TBC1D32: variants seen among roughly 807,000 people sequenced by gnomAD.
The protein encoded by TBC1D32 is protein broad-minded.
Under a neutral mutation model 170.3 loss-of-function variants are expected in TBC1D32, and 151 were observed. The observed-to-expected ratio is 0.89, with a 90% CI of 0.78 to 1.01. TBC1D32 has a LOEUF of 1.01. Among genes scored for constraint, TBC1D32 ranks in the 50% least tolerant of loss-of-function variants. The pLI, the probability that TBC1D32 is intolerant of heterozygous loss-of-function variation, is 0.00. For synonymous variants in TBC1D32, 498 were observed against 488.0 expected, an observed-to-expected ratio of 1.02 and a Z score of -0.27; for missense variants, 1,464 against 1,457.1, an observed-to-expected ratio of 1.00 and a Z score of -0.08.
At chr6:121,210,227 C>CA (rs964054829) in intron 21 of TBC1D32, among the ~76,000 whole-genome samples, 2 of 151,716 alleles carry the variant, frequency 1.3e-5, no homozygotes, top group African/African-American at 4.8e-5. Context: ...GAAAAACAGG[C>CA]AAAAATGAAT....
At chr6:121,321,549 G>A in intron 2 of TBC1D32, 84 bp downstream of exon 2, 1 of 1,289,314 alleles carries the variant, frequency 7.8e-7, no homozygotes, top group South Asian at 1.5e-5. Flanking sequence ...GAGGGAAATA[G>A]ACTGTGAGGG....
At chr6:121,095,719 G>A (rs1026109542) in intron 30 of TBC1D32, among the ~76,000 whole-genome samples, 5 of 152,096 alleles carry the variant, frequency 3.3e-5, no homozygotes, top group East Asian at 3.8e-4. Flanking sequence ...TTCTGTTTAC[G>A]TGATGGATTA....
chr6:121,132,555 A>G (rs1040527762), intron 24 of TBC1D32, among the ~76,000 whole-genome samples: 5 of 151,940 alleles, frequency 3.3e-5, no homozygotes, highest in African/African-American at 1.2e-4. Context: ...TCATTTCCCT[A>G]TGAGAACTCT....
At chr6:121,194,522 C>G (rs1380718845) in intron 22 of TBC1D32, among the ~76,000 whole-genome samples, 1 of 152,240 alleles carries the variant, frequency 6.6e-6, no homozygotes, top group African/African-American at 2.4e-5. Flanking sequence ...GAGAATGACA[C>G]TGGGTTATTG....
intron 17 of TBC1D32, among the ~76,000 whole-genome samples, chr6:121,244,791 T>G: frequency 6.6e-6 from 1 of 152,178 alleles, no homozygotes; most frequent in Non-Finnish European, 1.5e-5. Flanking sequence ...AGCCAATTTG[T>G]GGGAGAGGTC....
intron 22 of TBC1D32, chr6:121,163,135 G>A (rs1461119866): frequency 2.0e-3 from 3 of 1,534 alleles, no homozygotes; most frequent in Admixed American, 7.5e-3. Context: ...AGGCGGCAAC[G>A]AGGCTGGGGG....
intron 22 of TBC1D32, among the ~76,000 whole-genome samples, chr6:121,161,598 G>A (rs943878424): frequency 6.6e-6 from 1 of 152,164 alleles, no homozygotes; most frequent in African/African-American, 2.4e-5. Context: ...ATGGGCATTT[G>A]TGTTGATTCC....
intron 5 of TBC1D32, among the ~76,000 whole-genome samples, chr6:121,306,407 T>A (rs1363369126): frequency 6.6e-6 from 1 of 152,182 alleles, no homozygotes; most frequent in Admixed American, 6.5e-5. Context: ...CTAAGTTCTC[T>A]GAGGGTGAAG....
At chr6:121,209,206 A>G (rs1792732027) in intron 21 of TBC1D32, among the ~76,000 whole-genome samples, 1 of 152,100 alleles carries the variant, frequency 6.6e-6, no homozygotes, top group Non-Finnish European at 1.5e-5. Context: ...AATACTGTAT[A>G]AATTTGATAA....
intron 30 of TBC1D32, among the ~76,000 whole-genome samples, chr6:121,101,945 C>G (rs1778134821): frequency 6.6e-6 from 1 of 152,060 alleles, no homozygotes; most frequent in South Asian, 2.1e-4. Flanking sequence ...ACACCGATAA[C>G]AGACAAACAG....
chr6:121,328,604 T>A (rs1004793781), intron 1 of TBC1D32, among the ~76,000 whole-genome samples: 2 of 152,152 alleles, frequency 1.3e-5, no homozygotes, highest in Admixed American at 6.5e-5. Context: ...TAAGATATAG[T>A]CTGTACAACG....
chr6:121,310,283 G>A (rs1807991921), intron 4 of TBC1D32, among the ~76,000 whole-genome samples: 1 of 152,018 alleles, frequency 6.6e-6, no homozygotes, highest in African/African-American at 2.4e-5. Context: ...AGTATGTGAG[G>A]CAATGCATGT....
At chr6:121,171,722 A>G (rs1213156507) in intron 22 of TBC1D32, among the ~76,000 whole-genome samples, 2 of 152,142 alleles carry the variant, frequency 1.3e-5, no homozygotes, top group African/African-American at 4.8e-5. Flanking sequence ...AATAAAGATG[A>G]GTGGTGGGCA....
chr6:121,223,396 A>C, intron 20 of TBC1D32, 44 bp from the exon 21 acceptor site: 2 of 1,312,122 alleles, frequency 1.5e-6, no homozygotes, highest in South Asian at 1.3e-5. Flanking sequence ...CACTTTTGTC[A>C]ACCACATCCA....
chr6:121,120,081 G>A (rs1166549494), intron 26 of TBC1D32, among the ~76,000 whole-genome samples: 2 of 152,012 alleles, frequency 1.3e-5, no homozygotes, highest in African/African-American at 4.8e-5. Context: ...AATACCTAAA[G>A]CCTTGGGAAG....
At chr6:121,132,628 C>T (rs893456006) in intron 24 of TBC1D32, among the ~76,000 whole-genome samples, 1 of 151,870 alleles carries the variant, frequency 6.6e-6, no homozygotes, top group Non-Finnish European at 1.5e-5. Context: ...GTTTAATTCT[C>T]AGATTCTGCT....
At chr6:121,263,164 T>C (rs1293026606) in intron 15 of TBC1D32, among the ~76,000 whole-genome samples, 2 of 152,068 alleles carry the variant, frequency 1.3e-5, no homozygotes, top group East Asian at 3.9e-4. Flanking sequence ...GACGAATCAG[T>C]GTGCTGTATT....
chr6:121,100,740 G>C (rs1777943565), intron 30 of TBC1D32, among the ~76,000 whole-genome samples: 1 of 152,068 alleles, frequency 6.6e-6, no homozygotes, highest in African/African-American at 2.4e-5. Flanking sequence ...GAAGATCAGA[G>C]CAGACCTGAA....
intron 20 of TBC1D32, among the ~76,000 whole-genome samples, chr6:121,227,068 T>G (rs1405915491): frequency 6.6e-6 from 1 of 152,018 alleles, no homozygotes; most frequent in East Asian, 1.9e-4. Flanking sequence ...AAATAAAAAC[T>G]GCAAAAAAAA....
Sources: allele counts gnomAD v4.1 joint callset (sites outside exome capture counted in the v4.1 genomes callset), GRCh38; gene constraint gnomAD v4.1.1; transcripts MANE v1.5; gene names NCBI Gene and HGNC (gene_info 2026-07-23, HGNC 2026-07-21).